XRCC6: variants seen among roughly 807,000 people sequenced by gnomAD.
XRCC6 encodes DNA repair protein Ku70.
XRCC6 carries 5 observed loss-of-function variants against 65.7 expected under a neutral mutation model. The observed-to-expected ratio is 0.08, with a 90% CI of 0.04 to 0.16. The LOEUF (loss-of-function observed/expected upper bound fraction) is 0.16. Ranked by LOEUF, XRCC6 falls within the 10% of genes least tolerant of loss-of-function variation. The pLI is 1.00. For missense variants in XRCC6, 447 were observed against 738.1 expected, an observed-to-expected ratio of 0.61 and a Z score of 4.57; for synonymous variants, 270 against 270.6, an observed-to-expected ratio of 1.00 and a Z score of 0.02.
chr22:41,624,312 G>A (rs771169087), intron 2 of XRCC6, among the ~76,000 whole-genome samples: 4 of 151,702 alleles, frequency 2.6e-5, no homozygotes, highest in South Asian at 4.2e-4. Flanking sequence ...TGCTTGAACC[G>A]GGGAGGCAGA....
chr22:41,638,117 A>G (rs2067829428), intron 6 of XRCC6, among the ~76,000 whole-genome samples: 1 of 152,224 alleles, frequency 6.6e-6, no homozygotes, highest in Non-Finnish European at 1.5e-5. Context: ...GGATAGCAGA[A>G]GCTATTTGCT....
In XRCC6 at chr22:41,649,126, C is replaced by CAAAA. The variant is rs1335320703; in HGVS notation, c.961-1586_961-1583dup. Among the ~76,000 whole-genome samples, 245 of 90,000 alleles carry CAAAA rather than the reference C, an allele frequency of 2.7e-3. 1 individual carries two copies. The highest frequency in any genetic ancestry group is 7.4e-3 in the Admixed American group (45 of 6,078). 59.0% of individuals were successfully genotyped at this position (90,000 alleles called of 152,430 possible). A position where few individuals can be genotyped will look rare whatever the true frequency, so the allele number is the denominator to read the frequency against. ...GGTGCACAGCCTGGGGAAGAGAGTA[C>CAAAA]AAAAAAAAAAAAAATATATATATAT... On this transcript the variant is annotated intron_variant, in intron 7 of 12. Coordinates refer to ENST00000360079, the MANE Select transcript of XRCC6 (RefSeq NM_001469.5).
chr22:41,631,135 G>C (rs57431456), intron 3 of XRCC6, among the ~76,000 whole-genome samples: 1 of 148,522 alleles, frequency 6.7e-6, no homozygotes, highest in Non-Finnish European at 1.5e-5. Context: ...CTGGCAGGGC[G>C]GGGGGCTGAC....
At chr22:41,660,643 A>G (rs1418934942) in intron 11 of XRCC6, among the ~76,000 whole-genome samples, 3 of 152,048 alleles carry the variant, frequency 2.0e-5, no homozygotes, top group African/African-American at 4.8e-5. Flanking sequence ...CCTTCCAGCT[A>G]TATGTCACCT....
At chr22:41,626,722 C>A (rs956450138) in intron 2 of XRCC6, among the ~76,000 whole-genome samples, 1 of 151,216 alleles carries the variant, frequency 6.6e-6, no homozygotes, top group Admixed American at 6.6e-5. Flanking sequence ...ACTGGAAGCT[C>A]CCCCTCCCGG....
chr22:41,622,140 T>C (rs1432510434), intron 2 of XRCC6, 54 bp downstream of exon 2: 1 of 1,567,616 alleles, frequency 6.4e-7, no homozygotes, highest in Non-Finnish European at 8.8e-7. Context: ...AGACCTTCCC[T>C]GCCTATCTCT....
intron 2 of XRCC6, among the ~76,000 whole-genome samples, chr22:41,626,579 T>A (rs950594176): frequency 1.3e-5 from 2 of 151,710 alleles, no homozygotes; most frequent in African/African-American, 4.8e-5. Context: ...CTCAGCCTCC[T>A]GATTAGCTGG....
chr22:41,629,676 A>G lies in XRCC6; in HGVS notation c.195+1446A>G, dbSNP rs138883239. On this transcript the variant is annotated intron_variant, in intron 3 of 12. Coordinates refer to ENST00000360079, the MANE Select transcript of XRCC6 (RefSeq NM_001469.5). ...TGTATTTATTTATTTATTTATTTTTATTATTATTTTTGAGACGGAGTCTCG... is the reference window on the plus strand; with the variant it reads ...TGTATTTATTTATTTATTTATTTTTGTTATTATTTTTGAGACGGAGTCTCG... Among the ~76,000 whole-genome samples, 5 of 149,058 alleles carry G rather than the reference A, an allele frequency of 3.4e-5. No individual in the cohort carries two copies. In the East Asian group the frequency reaches 9.8e-4, roughly 29 times the overall value.
At chr22:41,631,242 G>C (rs1281865823) in intron 3 of XRCC6, among the ~76,000 whole-genome samples, 1 of 150,908 alleles carries the variant, frequency 6.6e-6, no homozygotes, top group South Asian at 2.1e-4. Flanking sequence ...TCACCTCCCG[G>C]ATGGGGCGGC....
intron 3 of XRCC6, among the ~76,000 whole-genome samples, chr22:41,630,086 C>T (rs762178149): frequency 2.7e-4 from 41 of 150,480 alleles, no homozygotes; most frequent in Non-Finnish European, 4.0e-4. Flanking sequence ...CTGGTTCAAG[C>T]GATTCTCCTG....
At chr22:41,635,242 G>A (rs2067796935) in intron 3 of XRCC6, among the ~76,000 whole-genome samples, 1 of 152,194 alleles carries the variant, frequency 6.6e-6, no homozygotes. Flanking sequence ...TGGCTTCAAT[G>A]TAGTACTTGG....
intron 7 of XRCC6, among the ~76,000 whole-genome samples, chr22:41,649,139 A>T (rs5751134): frequency 0.33 from 29,245 of 88,740 alleles, 5,259 homozygotes; most frequent in East Asian, 0.46. Flanking sequence ...AAAAAAAAAA[A>T]ATATATATAT....
At chr22:41,657,877 AC>A (rs763403454) in intron 10 of XRCC6, among the ~76,000 whole-genome samples, 3 of 151,722 alleles carry the variant, frequency 2.0e-5, no homozygotes, top group Non-Finnish European at 4.4e-5. Flanking sequence ...AGGCTGGAGT[AC>A]CGTGGCACGA....
intron 3 of XRCC6, among the ~76,000 whole-genome samples, chr22:41,634,976 C>T (rs1053928057): frequency 7.2e-5 from 11 of 152,274 alleles, no homozygotes; most frequent in African/African-American, 2.6e-4. Context: ...CAAGGATGCG[C>T]TTACTGGTAG....
At chr22:41,637,086 T>A (rs927105629) in intron 5 of XRCC6, among the ~76,000 whole-genome samples, 2 of 147,316 alleles carry the variant, frequency 1.4e-5, no homozygotes, top group African/African-American at 5.0e-5. Context: ...TGATTTTTTT[T>A]TTTTTTTTTT....
chr22:41,641,681 C>G (rs1460824006), intron 6 of XRCC6, among the ~76,000 whole-genome samples: 1 of 152,124 alleles, frequency 6.6e-6, no homozygotes, highest in Non-Finnish European at 1.5e-5. Context: ...TTTTATCTCC[C>G]AGAAATAAGA....
chr22:41,639,071 CATT>C (rs2067844507), intron 6 of XRCC6, among the ~76,000 whole-genome samples: 1 of 152,154 alleles, frequency 6.6e-6, no homozygotes, highest in African/African-American at 2.4e-5. Context: ...AACAGACCAT[CATT>C]GTATGTGCGC....
intron 2 of XRCC6, among the ~76,000 whole-genome samples, chr22:41,623,986 G>A (rs1489785420): frequency 6.6e-6 from 1 of 151,196 alleles, no homozygotes; most frequent in Non-Finnish European, 1.5e-5. Context: ...GCCTCCCAAA[G>A]TGCTGGAATT....
intron 3 of XRCC6, among the ~76,000 whole-genome samples, chr22:41,635,284 A>G (rs1005412528): frequency 6.6e-6 from 1 of 152,178 alleles, no homozygotes; most frequent in Non-Finnish European, 1.5e-5. Context: ...GCTTTTTGAA[A>G]CGGGAATTTC....
Sources: allele counts gnomAD v4.1 joint callset (sites outside exome capture counted in the v4.1 genomes callset), GRCh38; gene constraint gnomAD v4.1.1; transcripts MANE v1.5; gene names NCBI Gene and HGNC (gene_info 2026-07-23, HGNC 2026-07-21).